Variants in RNF216 observed in about 807,000 individuals in gnomAD.
RNF216 encodes E3 ubiquitin-protein ligase RNF216.
A neutral mutation model predicts 110.8 loss-of-function variants in RNF216; 72 were observed. The ratio of observed to expected loss-of-function variants is 0.65; its 90% CI spans 0.54 to 0.79. RNF216 has a LOEUF of 0.79. Ranked by LOEUF, RNF216 falls within the 30% of genes least tolerant of loss-of-function variation. RNF216 has a pLI of 0.00. For synonymous variants in RNF216, 495 were observed against 407.5 expected, an observed-to-expected ratio of 1.21 and a Z score of -2.59; for missense variants, 1,342 against 1,141.2, an observed-to-expected ratio of 1.18 and a Z score of -2.54.
chr7:5,741,859 C>A (rs1166234151), intron 3 of RNF216, 44 bp from the exon 4 acceptor site: 2 of 1,547,320 alleles, frequency 1.3e-6, no homozygotes, highest in Admixed American at 4.0e-5. Flanking sequence ...CTTTCCTATG[C>A]CTATCCCTCC....
intron 13 of RNF216, among the ~76,000 whole-genome samples, chr7:5,704,131 T>C (rs1429939527): frequency 1.3e-5 from 2 of 152,202 alleles, no homozygotes; most frequent in East Asian, 3.8e-4. Flanking sequence ...TCTCTCCATT[T>C]CATCAAAGAT....
chr7:5,677,628 AACTG>A lies in RNF216; in HGVS notation c.2062-25122_2062-25119del, dbSNP rs539671341. Among the ~76,000 whole-genome samples the A allele has an allele frequency of 7.3e-3, 1,115 of 152,304 alleles. 7 individuals are homozygous for A. The highest frequency in any genetic ancestry group is 0.025 in the African/African-American group (1,019 of 41,556). ...GTGTTAGCATCCTCAGATTGGAAAG[AACTG>A]ACTAAGAACAGGTCTGGAATTACCA... On this transcript the variant is annotated intron_variant, in intron 13 of 16. Coordinates refer to ENST00000389902, the MANE Select transcript of RNF216 (RefSeq NM_207111.4).
chr7:5,729,846 A>G lies in RNF216; in HGVS notation c.1225-250T>C, dbSNP rs577429814. On this transcript the variant is annotated intron_variant, in intron 6 of 16. Transcript: ENST00000389902. Reference sequence around the variant, plus strand: ...GGGGATTTAAACCAATCTTACAGCCATCTTCTTTCCATACCATATTTACGA... The same window carrying G: ...GGGGATTTAAACCAATCTTACAGCCGTCTTCTTTCCATACCATATTTACGA... Among the ~76,000 whole-genome samples, 5 of 152,358 alleles carry G rather than the reference A, an allele frequency of 3.3e-5. No individual in the cohort carries two copies. The South Asian group carries it at 6.2e-4, about 19-fold the overall frequency.
chr7:5,773,823 T>C (rs1796630540), intron 1 of RNF216, among the ~76,000 whole-genome samples: 1 of 152,158 alleles, frequency 6.6e-6, no homozygotes, highest in Non-Finnish European at 1.5e-5. Flanking sequence ...TGCCTCAGCC[T>C]CCCAAAGTCC....
intron 13 of RNF216, among the ~76,000 whole-genome samples, chr7:5,660,265 C>CTTTTTTTTTTTTTTTTTTTTTTTTTTT (rs66617363): frequency 3.0e-5 from 1 of 33,652 alleles, no homozygotes; most frequent in Non-Finnish European, 6.1e-5. Context: ...GTTTTAAATT[C>CTTTTTTTTTTTTTTTTTTTTTTTTTTT]TTTTTTTTTT....
At chr7:5,705,895 G>C (rs550108187) in intron 13 of RNF216, among the ~76,000 whole-genome samples, 1 of 148,162 alleles carries the variant, frequency 6.7e-6, no homozygotes, top group Admixed American at 6.8e-5. Context: ...CAAGAAGAGC[G>C]AAACTCCATC....
chr7:5,732,134 C>T (rs183038482), intron 5 of RNF216, among the ~76,000 whole-genome samples: 33 of 152,284 alleles, frequency 2.2e-4, no homozygotes, highest in African/African-American at 1.4e-4. Flanking sequence ...TTACAGAGGG[C>T]GACAAGAATT....
chr7:5,685,874 T>G (rs1790946628), intron 13 of RNF216, among the ~76,000 whole-genome samples: 1 of 152,234 alleles, frequency 6.6e-6, no homozygotes, highest in Admixed American at 6.5e-5. Flanking sequence ...ATGTGAATTC[T>G]TTATATTTGG....
At chr7:5,722,369 G>GTTTTTTTTTTTTT (rs36102190) in intron 8 of RNF216, among the ~76,000 whole-genome samples, 1 of 143,600 alleles carries the variant, frequency 7.0e-6, no homozygotes. Flanking sequence ...TCATTCTCAT[G>GTTTTTTTTTTTTT]TTTTTTTTTT....
rs1419567670 is a variant in RNF216 at position 5,741,031 on chromosome 7, C to A, written c.986G>T (p.Trp329Leu). ...ESQEPNLENI[W>L]GQEAAEVDQE... is the part of the protein sequence containing the mutation. ...ATCTACCTCTGCAGCTTCTTGCCCC[C>A]AAATGTTTTCCAAATTGGGCTCTTG... The change falls in exon 4 of 17, where the codon TGG (tryptophan) becomes TTG (leucine). Residue 329 changes from tryptophan to leucine, a missense_variant. Physicochemically the swap from Trp to Leu is moderately conservative, Grantham distance 61. Coordinates refer to ENST00000389902, the MANE Select transcript of RNF216 (RefSeq NM_207111.4). 2 of 1,613,816 alleles carry A rather than the reference C, an allele frequency of 1.2e-6. No homozygotes were observed. The highest frequency in any genetic ancestry group is 3.3e-5 in the Admixed American group (2 of 59,960).
chr7:5,739,385 AT>A, intron 4 of RNF216, 33 bp from the exon 5 acceptor site: 2 of 1,572,240 alleles, frequency 1.3e-6, no homozygotes, highest in Non-Finnish European at 1.7e-6. Flanking sequence ...TTTATATTTC[AT>A]TCACTAGAAT....
rs1295870597 is a variant in RNF216 at position 5,623,268 on chromosome 7, C to T, written c.2453-89G>A. ...GGACCAGGGCAGCGACCTCTGGACACGGGAGTGGCTCCACATGCTGATCAA... is the reference window on the plus strand; with the variant it reads ...GGACCAGGGCAGCGACCTCTGGACATGGGAGTGGCTCCACATGCTGATCAA... On this transcript the variant is annotated intron_variant, in intron 16 of 16. Coordinates refer to ENST00000389902, the MANE Select transcript of RNF216 (RefSeq NM_207111.4). 7.3e-6 allele frequency: 9 copies of T among 1,226,970 alleles called. No individual in the cohort carries two copies. The African/African-American group carries it at 7.6e-5, about 10-fold the overall frequency. The allele number at this position is 1,226,970 out of a possible 1,614,324, so 76.0% of individuals were successfully genotyped here.
At chr7:5,683,366 T>C (rs1374922414) in intron 13 of RNF216, among the ~76,000 whole-genome samples, 3 of 152,066 alleles carry the variant, frequency 2.0e-5, no homozygotes, top group South Asian at 4.2e-4. Context: ...AATCCACAAG[T>C]TGGAGGCTCA....
At chr7:5,655,324 T>C (rs1217303304) in intron 13 of RNF216, among the ~76,000 whole-genome samples, 1 of 152,156 alleles carries the variant, frequency 6.6e-6, no homozygotes, top group African/African-American at 2.4e-5. Context: ...AGAACATATC[T>C]GAAACGTCTT....
rs1409658107 is a variant in RNF216 at position 5,680,025 on chromosome 7, T to C, written c.2062-27515A>G. Among the ~76,000 whole-genome samples the C allele has an allele frequency of 6.6e-6, 1 of 152,190 alleles. No homozygotes were observed. The highest frequency in any genetic ancestry group is 1.9e-4 in the East Asian group (1 of 5,190). Reference sequence around the variant, plus strand: ...CAGTCCTCTGCTACCAGAATAATCATGTGACAAGCTAAATCTGATCATTTC... The same window carrying C: ...CAGTCCTCTGCTACCAGAATAATCACGTGACAAGCTAAATCTGATCATTTC... On this transcript the variant is annotated intron_variant, in intron 13 of 16. Coordinates refer to ENST00000389902, the MANE Select transcript of RNF216 (RefSeq NM_207111.4). The surrounding 1 kb of genome is among the most constrained non-coding windows in gnomAD (Gnocchi z 4.3).
chr7:5,631,492 A>G (rs963884646), intron 15 of RNF216, among the ~76,000 whole-genome samples: 3 of 152,178 alleles, frequency 2.0e-5, no homozygotes, highest in African/African-American at 7.2e-5. Context: ...TGCTGTTCTC[A>G]GCTCACTGGT....
Position 5,771,409 on chromosome 7 carries a change from T to C in RNF216, c.-70+10132A>G, listed in dbSNP as rs533256059. 3.3e-5 allele frequency among the ~76,000 whole-genome samples: 5 copies of C among 152,118 alleles called. No homozygotes were observed. In the East Asian group the frequency reaches 9.7e-4, roughly 29 times the overall value. ...AAGAAAAAACTGAAACACTATACAT[T>C]AAAATTAAGCATGTCTACTCACCAA... is the stretch of plus-strand genomic sequence containing the variant. On this transcript the variant is annotated intron_variant, in intron 1 of 16. Coordinates refer to ENST00000389902, the MANE Select transcript of RNF216 (RefSeq NM_207111.4).
In RNF216 at chr7:5,652,459, A is replaced by T; in HGVS notation, c.2113T>A (p.Cys705Ser). 2.5e-6 allele frequency: 4 copies of T among 1,613,950 alleles called. No individual in the cohort carries two copies. Among genetic ancestry groups the T allele is most frequent in the Non-Finnish European group, 3.4e-6 (4 of 1,179,848 alleles). Residue 705 changes from cysteine to serine, a missense_variant, in exon 14 of 17, where the codon TGT becomes AGT. Transcript: ENST00000389902. ...TCGTCTTTTTCAGCCAGCTCTTCACAGGTGAGGCCATTATGTTCTTTCCAG... is the reference window on the plus strand; with the variant it reads ...TCGTCTTTTTCAGCCAGCTCTTCACTGGTGAGGCCATTATGTTCTTTCCAG... ...GLWKEHNGLT[C>S]EELAEKDDIK...
intron 13 of RNF216, among the ~76,000 whole-genome samples, chr7:5,686,202 T>C (rs139489627): frequency 6.8e-6 from 1 of 146,654 alleles, no homozygotes; most frequent in Non-Finnish European, 1.5e-5. Context: ...CAGCCTGGGT[T>C]GACAGAGTAT....
Sources: allele counts gnomAD v4.1 joint callset (sites outside exome capture counted in the v4.1 genomes callset), GRCh38; gene constraint gnomAD v4.1.1; non-coding constraint Gnocchi (gnomAD v3.1); transcripts MANE v1.5; gene names NCBI Gene and HGNC (gene_info 2026-07-23, HGNC 2026-07-21).